The following TMEM169 variants were observed in gnomAD, a reference collection of about 807,000 sequenced individuals.
TMEM169 encodes the protein transmembrane protein 169.
TMEM169 carries 18 observed loss-of-function variants against 27.3 expected under a neutral mutation model. The ratio of observed to expected loss-of-function variants is 0.66; its 90% confidence interval spans 0.46 to 0.98. TMEM169 has a LOEUF of 0.98. Ranked by LOEUF, TMEM169 falls within the 50% of genes least tolerant of loss-of-function variation. The pLI is 0.00. For missense variants in TMEM169, 320 were observed against 368.6 expected (o/e 0.87, Z 1.08); for synonymous variants, 136 against 142.1 (o/e 0.96, Z 0.30).
chr2:216,093,125 AGTGTGTGTGTGTGT>A (rs60241289), intron 1 of TMEM169, among the ~76,000 whole-genome samples: 46,130 of 145,824 alleles, frequency 0.32, 7,694 homozygotes, highest in East Asian at 0.62. Context: ...GTAATAATGA[AGTGTGTGTGTGTGT>A]GTGTGTGTGT....
chr2:216,086,746 G>A (rs565360880), intron 1 of TMEM169, among the ~76,000 whole-genome samples: 1 of 152,324 alleles, frequency 6.6e-6, no homozygotes, highest in South Asian at 2.1e-4. Flanking sequence ...AAGAAGAAGA[G>A]TAAGACAGTT....
intron 2 of TMEM169, among the ~76,000 whole-genome samples, chr2:216,096,993 A>G (rs1045713994): frequency 1.3e-5 from 2 of 152,262 alleles, no homozygotes; most frequent in African/African-American, 2.4e-5. Context: ...GATTACATCA[A>G]TATGAGCAAA....
chr2:216,095,210 C>G (rs62181307), intron 1 of TMEM169, among the ~76,000 whole-genome samples: 2 of 150,218 alleles, frequency 1.3e-5, no homozygotes, highest in Non-Finnish European at 2.9e-5. Flanking sequence ...GCCTCAGCCT[C>G]CTAAGTAGCT....
At chr2:216,091,484 G>A (rs1696122139) in intron 1 of TMEM169, among the ~76,000 whole-genome samples, 1 of 150,128 alleles carries the variant, frequency 6.7e-6, no homozygotes, top group South Asian at 2.1e-4. Flanking sequence ...TTGAACTTGG[G>A]AGGCAGAGGT....
chr2:216,089,099 T>C (rs1696071800), intron 1 of TMEM169, among the ~76,000 whole-genome samples: 3 of 151,978 alleles, frequency 2.0e-5, no homozygotes, highest in Non-Finnish European at 4.4e-5. Context: ...ACACTGGCAA[T>C]TATGGGTTGG....
At chr2:216,082,040 G>GAAAA in intron 1 of TMEM169, 61 bp downstream of exon 1, 1 of 266,710 alleles carries the variant, frequency 3.7e-6, no homozygotes, top group East Asian at 1.0e-4. Flanking sequence ...GAAGGGAAAT[G>GAAAA]CAAAAAAAAA....
At position 216,088,653 on chromosome 2, in the gene TMEM169, T is replaced by C. The variant is rs1374554368; in HGVS notation, c.-127+6674T>C. 2.0e-5 allele frequency among the ~76,000 whole-genome samples: 3 copies of C among 152,320 alleles called. No homozygotes were observed. The East Asian group carries it at 5.8e-4, about 29-fold the overall frequency. On this transcript the variant is annotated intron_variant, in intron 1 of 2. Coordinates refer to ENST00000437356, the MANE Select transcript of TMEM169 (RefSeq NM_001142311.2). Reference sequence around the variant, plus strand: ...GAGTTCAAGTCAAGCCTGGGCAACATAGAAAGACCCCATCTCTAAAAATAA... The same window carrying C: ...GAGTTCAAGTCAAGCCTGGGCAACACAGAAAGACCCCATCTCTAAAAATAA...
At chr2:216,086,085 G>A (rs1289562133) in intron 1 of TMEM169, among the ~76,000 whole-genome samples, 1 of 150,934 alleles carries the variant, frequency 6.6e-6, no homozygotes, top group African/African-American at 2.4e-5. Context: ...TTTTTTCTGA[G>A]GCAGAGTCTC....
At chr2:216,091,287 C>G (rs549601438) in intron 1 of TMEM169, among the ~76,000 whole-genome samples, 1 of 152,220 alleles carries the variant, frequency 6.6e-6, no homozygotes, top group African/African-American at 2.4e-5. Flanking sequence ...GACCCAGAGG[C>G]TAGGCTCAGT....
intron 1 of TMEM169, among the ~76,000 whole-genome samples, chr2:216,090,864 C>G (rs898540581): frequency 6.6e-6 from 1 of 152,204 alleles, no homozygotes; most frequent in Admixed American, 6.5e-5. Flanking sequence ...TTGCAGGAAA[C>G]TAACAGTAAA....
intron 1 of TMEM169, among the ~76,000 whole-genome samples, chr2:216,088,450 C>G (rs753845581): frequency 6.6e-6 from 1 of 152,182 alleles, no homozygotes; most frequent in East Asian, 1.9e-4. Flanking sequence ...GGCGACAGAG[C>G]GAGACTCCGT....
rs34664739 is a variant in TMEM169 at position 216,093,801 on chromosome 2, GAAAA to G, written c.-126-2031_-126-2028del. ...CTAAATTTTAGAAACATTGAAATGA[GAAAA>G]AAAAATATGTATTCTGGCATTTTAA... is the stretch of plus-strand genomic sequence containing the variant. On this transcript the variant is annotated intron_variant, in intron 1 of 2. Coordinates refer to ENST00000437356, the MANE Select transcript of TMEM169 (RefSeq NM_001142311.2). Among the ~76,000 whole-genome samples, 6 of 151,464 alleles carry G rather than the reference GAAAA, an allele frequency of 4.0e-5. No homozygotes were observed. In the East Asian group the frequency reaches 1.2e-3, roughly 29 times the overall value.
intron 2 of TMEM169, among the ~76,000 whole-genome samples, chr2:216,096,798 C>T (rs1344600): frequency 0.66 from 99,705 of 152,160 alleles, 34,480 homozygotes; most frequent in African/African-American, 0.87. Context: ...TACGCAAAAA[C>T]TGGTAACACA....
At chr2:216,095,367 C>T (rs985744209) in intron 1 of TMEM169, among the ~76,000 whole-genome samples, 6 of 152,028 alleles carry the variant, frequency 3.9e-5, no homozygotes, top group African/African-American at 1.4e-4. Flanking sequence ...GGATTATATG[C>T]GTGAACCACT....
intron 1 of TMEM169, among the ~76,000 whole-genome samples, chr2:216,094,774 G>GA (rs959078579): frequency 3.3e-5 from 5 of 150,784 alleles, no homozygotes; most frequent in South Asian, 2.1e-4. Flanking sequence ...AAGTTACCAG[G>GA]AAAAAAAAAT....
At position 216,091,642 on chromosome 2, in the gene TMEM169, A is replaced by G. The variant is rs547113076; in HGVS notation, c.-126-4196A>G. ...CGTGAAAACACAGTGAGAAGGCACC[A>G]TCTATGAACCAGAAAGTGAGTCCTA... is the stretch of plus-strand genomic sequence containing the variant. On this transcript the variant is annotated intron_variant, in intron 1 of 2. Coordinates refer to ENST00000437356, the MANE Select transcript of TMEM169 (RefSeq NM_001142311.2). Among the ~76,000 whole-genome samples the G allele has an allele frequency of 2.6e-5, 4 of 151,718 alleles. No homozygotes were observed. The South Asian group carries it at 6.3e-4, about 24-fold the overall frequency.
At position 216,099,776 on chromosome 2, in the gene TMEM169, C is replaced by G. The variant is rs960723904; in HGVS notation, c.272-144C>G. The G allele has an allele frequency of 1.8e-6, 2 of 1,119,330 alleles. No individual in the cohort carries two copies. The highest frequency in any genetic ancestry group is 3.1e-5 in the African/African-American group (2 of 63,900). 69.3% of individuals were successfully genotyped at this position (1,119,330 alleles called of 1,614,324 possible). The stretch of plus-strand genomic sequence containing the variant: ...TCTCCCGAGGGAGACCCACTCAGTC[C>G]GCCATTGAATCACTGACTCAGGACT... On this transcript the variant is annotated intron_variant, in intron 2 of 2. Transcript: ENST00000437356. This position sits in a 1 kb window ranked among gnomAD's most constrained non-coding sequence, Gnocchi z 5.0.
rs539919510 is a variant in TMEM169 at position 216,095,918 on chromosome 2, A to G, written c.-46A>G. 20 of 1,568,468 alleles carry G rather than the reference A, an allele frequency of 1.3e-5. No individual in the cohort carries two copies. The South Asian group carries it at 2.2e-4, about 18-fold the overall frequency. ...GATGTGTGAACTGTGAGTTTACTCAAACAAGTCCAACTCTTTATAAGACAT... is the reference window on the plus strand; with the variant it reads ...GATGTGTGAACTGTGAGTTTACTCAGACAAGTCCAACTCTTTATAAGACAT... On this transcript the variant is annotated 5_prime_UTR_variant, in exon 2 of 3. Transcript: ENST00000437356.
In TMEM169 at chr2:216,099,952, G is replaced by A. The variant is rs147230933; in HGVS notation, c.304G>A (p.Val102Ile). The A allele has an allele frequency of 7.0e-4, 1,133 of 1,613,898 alleles. 10 individuals carry two copies. The South Asian group carries it at 0.011, about 16-fold the overall frequency. Residue 102 changes from valine (V) to isoleucine (I), a missense_variant, in exon 3 of 3, where the codon GTC becomes ATC. Transcript: ENST00000437356. The surrounding 1 kb of genome is among the most constrained non-coding windows in gnomAD (Gnocchi z 5.0). ...GAACCTGCCTCTGGACAGCCGCTAC[G>A]TCACCTTAACTGGGACCATCACACG... ...MWNLPLDSRY[V>I]TLTGTITRGK...
Sources: allele counts gnomAD v4.1 joint callset (sites outside exome capture counted in the v4.1 genomes callset), GRCh38; gene constraint gnomAD v4.1.1; non-coding constraint Gnocchi (gnomAD v3.1); transcripts MANE v1.5; gene names NCBI Gene and HGNC (gene_info 2026-07-23, HGNC 2026-07-21).